Variants in MCCC1 observed in about 807,000 individuals in gnomAD.
MCCC1 encodes methylcrotonyl-CoA carboxylase subunit 1, also known as methylcrotonoyl-CoA carboxylase subunit alpha, mitochondrial.
Under a neutral mutation model 83.8 loss-of-function variants are expected in MCCC1, and 64 were observed. The observed-to-expected ratio is 0.76, with a 90% CI of 0.62 to 0.94. MCCC1 has a LOEUF of 0.94. Among genes scored for constraint, MCCC1 ranks in the 40% least tolerant of loss-of-function variants. MCCC1 has a pLI of 0.00. For synonymous variants in MCCC1, 322 were observed against 315.4 expected (o/e 1.02, Z -0.22); for missense variants, 807 against 904.7 (o/e 0.89, Z 1.39).
intron 16 of MCCC1, 79 bp downstream of exon 16, chr3:183,022,338 A>C: frequency 6.5e-7 from 1 of 1,532,510 alleles, no homozygotes; most frequent in South Asian, 1.1e-5. Flanking sequence ...GATCTTTCTA[A>C]TCTCTTTCAG....
At chr3:183,038,649 G>A (rs1577269405) in intron 12 of MCCC1, among the ~76,000 whole-genome samples, 4 of 152,264 alleles carry the variant, frequency 2.6e-5, no homozygotes, top group Middle Eastern at 3.4e-3. Context: ...ACTGGGTAGC[G>A]AAAACAACAT....
chr3:183,044,649 G>A (rs12637471), intron 10 of MCCC1, among the ~76,000 whole-genome samples: 37,536 of 151,978 alleles, frequency 0.25, 5,225 homozygotes, highest in East Asian at 0.58. Flanking sequence ...TGTGGCCTTA[G>A]GTAGACCATG....
At position 183,099,490 on chromosome 3, in the gene MCCC1, G is replaced by C. The variant is rs780606952; in HGVS notation, c.-50C>G. ...GACTCCCCAGTACAGAGGCAGCTGC[G>C]TCCCACACGCCAAACCCGTTCCTCC... is the stretch of plus-strand genomic sequence containing the variant. On this transcript the variant is annotated 5_prime_UTR_variant, in exon 1 of 19. Transcript: ENST00000265594. 9.0e-6 allele frequency: 14 copies of C among 1,560,348 alleles called. No individual in the cohort carries two copies. In the African/African-American group the frequency reaches 1.8e-4, roughly 20 times the overall value.
chr3:183,044,526 G>C (rs1345832727), intron 10 of MCCC1, among the ~76,000 whole-genome samples: 2 of 152,116 alleles, frequency 1.3e-5, no homozygotes, highest in Non-Finnish European at 2.9e-5. Flanking sequence ...ACTTTACTTG[G>C]ATCATTCTAG....
Position 183,089,726 on chromosome 3 carries a change from GA to G in MCCC1, c.273+2682del, listed in dbSNP as rs1424051836. Among the ~76,000 whole-genome samples, 8 of 152,184 alleles carry G rather than the reference GA, an allele frequency of 5.3e-5. No homozygotes were observed. In the East Asian group the frequency reaches 1.5e-3, roughly 29 times the overall value. On this transcript the variant is annotated intron_variant, in intron 3 of 18. Transcript: ENST00000265594. ...AACAGTACTTGGTCATTTACTAGAT[GA>G]GGGGGGAAGGATCTAGAGTAGGAAA...
intron 14 of MCCC1, among the ~76,000 whole-genome samples, chr3:183,032,650 G>A (rs927266748): frequency 1.3e-5 from 2 of 152,098 alleles, no homozygotes; most frequent in African/African-American, 4.8e-5. Context: ...TGAGGTGAGT[G>A]GATCATAAGG....
intron 8 of MCCC1, among the ~76,000 whole-genome samples, chr3:183,054,188 ATT>A (rs370883975): frequency 2.0e-4 from 25 of 122,108 alleles, no homozygotes; most frequent in Non-Finnish European, 2.1e-4. Context: ...AGCCAAGAAA[ATT>A]TTTTTTTTTT....
chr3:183,104,073 A>T (rs1002248107), upstream of MCCC1, among the ~76,000 whole-genome samples: 1 of 151,850 alleles, frequency 6.6e-6, no homozygotes, highest in Non-Finnish European at 1.5e-5. Flanking sequence ...CCCACCCGGA[A>T]CTCCAGCTGG....
intron 4 of MCCC1, among the ~76,000 whole-genome samples, chr3:183,078,339 A>T (rs1717234376): frequency 6.6e-6 from 1 of 152,204 alleles, no homozygotes. Context: ...TTTGAAACAG[A>T]GTCTAAATCC....
intron 10 of MCCC1, among the ~76,000 whole-genome samples, chr3:183,043,923 C>T (rs1714320711): frequency 6.6e-6 from 1 of 152,166 alleles, no homozygotes; most frequent in Admixed American, 6.6e-5. Flanking sequence ...AACACTCCTT[C>T]CAGAAGTTTC....
intron 3 of MCCC1, among the ~76,000 whole-genome samples, chr3:183,089,814 GTGT>G (rs1157878383): frequency 1.3e-5 from 2 of 152,136 alleles, no homozygotes; most frequent in South Asian, 2.1e-4. Context: ...ATTAGCAATG[GTGT>G]TGTACTCTAC....
At chr3:183,045,275 T>C (rs1306906203) in intron 10 of MCCC1, 138 bp downstream of exon 10, 8 of 952,214 alleles carry the variant, frequency 8.4e-6, no homozygotes, top group Non-Finnish European at 1.3e-5. Context: ...AGACAGGGTT[T>C]CACCACATTG....
In MCCC1 at chr3:183,086,726, T is replaced by C. The variant is rs1204945524; in HGVS notation, c.336A>G (p.Lys112=). 1.2e-6 allele frequency: 2 copies of C among 1,614,224 alleles called. No homozygotes were observed. The highest frequency in any genetic ancestry group is 1.7e-6 in the Non-Finnish European group (2 of 1,180,046). Residue 112 remains lysine, a synonymous_variant, in exon 4 of 19, where the codon AAA becomes AAG. Transcript: ENST00000265594. ...CAGAGGTCTTGGCCACTTGAATGATTTTCTCCATAGATAGGTAGCTCTGCT... is the reference window on the plus strand; with the variant it reads ...CAGAGGTCTTGGCCACTTGAATGATCTTCTCCATAGATAGGTAGCTCTGCT... ...PSQQSYLSME[K]IIQVAKTSAA... is the part of the protein sequence containing the mutation.
At chr3:183,048,312 T>G (rs1265879588) in intron 9 of MCCC1, among the ~76,000 whole-genome samples, 1 of 152,210 alleles carries the variant, frequency 6.6e-6, no homozygotes, top group Non-Finnish European at 1.5e-5. Context: ...AATGTTGATG[T>G]CTAAATATAC....
chr3:183,025,845 CA>C (rs1712556643), intron 14 of MCCC1, 41 bp from the exon 15 acceptor site: 6 of 1,533,508 alleles, frequency 3.9e-6, no homozygotes, highest in Non-Finnish European at 5.4e-6. Flanking sequence ...AATTAGAAGA[CA>C]TTCATTTATT....
At chr3:183,052,386 AATG>A in intron 8 of MCCC1, 146 bp from the exon 9 acceptor site, 1 of 712,044 alleles carries the variant, frequency 1.4e-6, no homozygotes, top group South Asian at 1.6e-5. Flanking sequence ...ATAAGATTAT[AATG>A]GAGCTGAAAA....
intron 15 of MCCC1, among the ~76,000 whole-genome samples, chr3:183,023,499 T>A (rs1712329669): frequency 6.6e-6 from 1 of 152,194 alleles, no homozygotes; most frequent in Admixed American, 6.5e-5. Context: ...GTGAATGTAG[T>A]TCCATGAGCA....
chr3:183,074,701 C>T (rs1244866285), intron 4 of MCCC1, among the ~76,000 whole-genome samples: 1 of 152,134 alleles, frequency 6.6e-6, no homozygotes, highest in African/African-American at 2.4e-5. Flanking sequence ...AGTTTTATAT[C>T]TTTTAAACCA....
intron 1 of MCCC1, among the ~76,000 whole-genome samples, chr3:183,111,837 C>T (rs1435391674): frequency 6.6e-6 from 1 of 152,192 alleles, no homozygotes; most frequent in East Asian, 1.9e-4. Flanking sequence ...CTACACTGTG[C>T]CATGAATGGA....
Sources: allele counts gnomAD v4.1 joint callset (sites outside exome capture counted in the v4.1 genomes callset), GRCh38; gene constraint gnomAD v4.1.1; transcripts MANE v1.5; gene names NCBI Gene and HGNC (gene_info 2026-07-23, HGNC 2026-07-21).